Variants in EYS observed in about 807,000 individuals in gnomAD.
EYS encodes the protein EGF-like photoreceptor maintenance factor, also known as protein eyes shut homolog.
EYS carries 250 observed loss-of-function variants against 282.1 expected under a neutral mutation model. The ratio of observed to expected loss-of-function variants is 0.89; its 90% CI spans 0.80 to 0.98. The LOEUF (loss-of-function observed/expected upper bound fraction) is 0.98, where lower values mean the gene tolerates loss of function less well. Among genes scored for constraint, EYS ranks in the 50% least tolerant of loss-of-function variants. EYS has a pLI of 0.00. For synonymous variants in EYS, 1,355 were observed against 1,282.9 expected (o/e 1.06, Z -1.20); for missense variants, 4,016 against 3,709.0 (o/e 1.08, Z -2.15).
intron 2 of EYS, among the ~76,000 whole-genome samples, chr6:65,611,547 C>T (rs1035840503): frequency 4.0e-5 from 6 of 151,882 alleles, no homozygotes; most frequent in East Asian, 1.9e-4. Context: ...GAAAAGATTT[C>T]GAATTAAAAT....
intron 12 of EYS, among the ~76,000 whole-genome samples, chr6:65,262,508 C>T (rs370097483): frequency 9.2e-5 from 14 of 152,000 alleles, no homozygotes; most frequent in East Asian, 3.9e-4. Flanking sequence ...ATGTAATTAT[C>T]ACTGGGTAAC....
Position 64,388,842 on chromosome 6 carries a change from T to C in EYS, c.5928-2A>G, listed in dbSNP as rs181169439. 33 of 1,485,774 alleles carry C rather than the reference T, an allele frequency of 2.2e-5. No homozygotes were observed. In the Admixed American group the frequency reaches 3.6e-4, roughly 16 times the overall value. The allele number at this position is 1,485,774 out of a possible 1,614,324, so 92.0% of individuals were successfully genotyped here. A position where few individuals can be genotyped will look rare whatever the true frequency, so the allele number is the denominator to read the frequency against. ...GCGTTACATGGATCCAATTCTTGCCTGTAACCATTTAAGAAAGAAATGGTT... is the reference window on the plus strand; with the variant it reads ...GCGTTACATGGATCCAATTCTTGCCCGTAACCATTTAAGAAAGAAATGGTT... On this transcript the variant is annotated splice_acceptor_variant, in intron 28 of 42. Transcript: ENST00000503581. LOFTEE classifies it high-confidence loss of function.
At chr6:64,229,030 T>C (rs1287556248) in intron 31 of EYS, among the ~76,000 whole-genome samples, 1 of 152,124 alleles carries the variant, frequency 6.6e-6, no homozygotes. Flanking sequence ...CCCAACACTT[T>C]GGGAGGCTGA....
intron 35 of EYS, among the ~76,000 whole-genome samples, chr6:63,914,976 A>G (rs891748045): frequency 3.9e-5 from 6 of 152,336 alleles, no homozygotes; most frequent in African/African-American, 1.2e-4. Context: ...TGAAGCAGCA[A>G]GTGCTAGTAG....
At chr6:65,043,957 C>T (rs1052585136) in intron 13 of EYS, among the ~76,000 whole-genome samples, 23 of 151,694 alleles carry the variant, frequency 1.5e-4, no homozygotes, top group African/African-American at 3.4e-4. Flanking sequence ...GAGGAATCTC[C>T]GTACCATTTT....
intron 29 of EYS, among the ~76,000 whole-genome samples, chr6:64,360,804 T>C (rs899753670): frequency 2.6e-5 from 4 of 151,708 alleles, no homozygotes; most frequent in Admixed American, 6.6e-5. Context: ...CTAGCTAGGT[T>C]AGTGAATGCC....
chr6:65,080,295 G>C (rs140561824), intron 12 of EYS, among the ~76,000 whole-genome samples: 2 of 152,076 alleles, frequency 1.3e-5, no homozygotes, highest in African/African-American at 2.4e-5. Context: ...GAATGATCTG[G>C]AAAGATAAAG....
Position 65,233,111 on chromosome 6 carries a change from T to G in EYS, c.2023+62752A>C, listed in dbSNP as rs1474833053. Among the ~76,000 whole-genome samples, 5 of 152,300 alleles carry G rather than the reference T, an allele frequency of 3.3e-5. No homozygotes were observed. In the East Asian group the frequency reaches 9.7e-4, roughly 29 times the overall value. ...ATTTAATCTTAGTGTCCTTTAATTCTTTGAGCATGTTTTTAAGAGCTGCTT... is the reference window on the plus strand; with the variant it reads ...ATTTAATCTTAGTGTCCTTTAATTCGTTGAGCATGTTTTTAAGAGCTGCTT... On this transcript the variant is annotated intron_variant, in intron 12 of 42. Coordinates refer to ENST00000503581, the MANE Select transcript of EYS (RefSeq NM_001142800.2).
intron 29 of EYS, among the ~76,000 whole-genome samples, chr6:64,307,583 A>G (rs1769501630): frequency 6.6e-6 from 1 of 152,064 alleles, no homozygotes; most frequent in Non-Finnish European, 1.5e-5. Context: ...GTGCAGATTT[A>G]GGTCAAGAGA....
At chr6:64,137,701 C>T (rs149985756) in intron 31 of EYS, among the ~76,000 whole-genome samples, 64 of 152,202 alleles carry the variant, frequency 4.2e-4, no homozygotes, top group African/African-American at 1.5e-3. Context: ...ATTAAGCTTG[C>T]CATCTCATAC....
rs781196598 is a variant in EYS at position 63,881,009 on chromosome 6, CT to C, written c.7056-16652del. ...AAAAGGCATTTATACCTAGTTAACA[CT>C]TTTTTTTTTTGACACACTATTAGAT... On this transcript the variant is annotated intron_variant, in intron 35 of 42. Transcript: ENST00000503581. Among the ~76,000 whole-genome samples, 1,362 of 146,398 alleles carry C rather than the reference CT, an allele frequency of 9.3e-3. 22 individuals carry two copies. The highest frequency in any genetic ancestry group is 0.029 in the African/African-American group (1,163 of 40,340).
chr6:65,278,564 G>A (rs55934442), intron 12 of EYS, among the ~76,000 whole-genome samples: 3,000 of 151,698 alleles, frequency 0.02, 47 homozygotes, highest in Middle Eastern at 0.058. Flanking sequence ...CAATTTCAAG[G>A]TTATTCAGTG....
At chr6:64,818,673 C>T (rs924387589) in intron 21 of EYS, among the ~76,000 whole-genome samples, 7 of 152,050 alleles carry the variant, frequency 4.6e-5, no homozygotes, top group South Asian at 2.1e-4. Flanking sequence ...AGGAAGCACC[C>T]GGCATGGGAG....
intron 8 of EYS, among the ~76,000 whole-genome samples, chr6:65,366,539 A>G (rs1395533684): frequency 1.3e-5 from 2 of 151,676 alleles, no homozygotes; most frequent in African/African-American, 2.4e-5. Context: ...ATTTACATTC[A>G]AATTTATGTG....
intron 26 of EYS, among the ~76,000 whole-genome samples, chr6:64,507,483 G>A (rs1428876743): frequency 6.6e-6 from 1 of 152,148 alleles, no homozygotes; most frequent in East Asian, 1.9e-4. Context: ...TAACATAGAA[G>A]GGGCTATTCA....
At chr6:65,455,634 C>A (rs1357002370) in intron 5 of EYS, among the ~76,000 whole-genome samples, 1 of 151,996 alleles carries the variant, frequency 6.6e-6, no homozygotes, top group African/African-American at 2.4e-5. Context: ...TATATGCCAA[C>A]AAATTAGATA....
chr6:65,566,795 T>A (rs1223664214), intron 2 of EYS, among the ~76,000 whole-genome samples: 2 of 152,182 alleles, frequency 1.3e-5, no homozygotes, highest in Non-Finnish European at 2.9e-5. Context: ...TTCTCTAGGT[T>A]TATATGATTT....
At position 64,997,850 on chromosome 6, in the gene EYS, T is replaced by G. The variant is rs548782577; in HGVS notation, c.2138-147A>C. On this transcript the variant is annotated intron_variant, in intron 13 of 42. Transcript: ENST00000503581. Reference sequence around the variant, plus strand: ...TTATTATATTTAATCGATTACATAGTCATCTACAATATTTTCTAAATAACC... The same window carrying G: ...TTATTATATTTAATCGATTACATAGGCATCTACAATATTTTCTAAATAACC... 1.8e-4 allele frequency: 113 copies of G among 633,672 alleles called. 2 individuals carry two copies. In the South Asian group the frequency reaches 4.1e-3, roughly 23 times the overall value. The allele number at this position is 633,672 out of a possible 1,614,324, so 39.3% of individuals were successfully genotyped here.
chr6:65,383,513 A>G (rs1056007317), intron 8 of EYS, among the ~76,000 whole-genome samples: 9 of 151,570 alleles, frequency 5.9e-5, no homozygotes, highest in African/African-American at 2.2e-4. Context: ...GCTTATCAAA[A>G]CCATACCATT....
Sources: gnomAD v4.1 joint callset for allele counts (sites outside exome capture counted in the v4.1 genomes callset) on GRCh38, gnomAD v4.1.1 for gene constraint, MANE v1.5 for transcripts, NCBI Gene and HGNC (gene_info 2026-07-23, HGNC 2026-07-21) for gene names.